RICTOR: variants seen among roughly 807,000 people sequenced by gnomAD.
RICTOR encodes rapamycin-insensitive companion of mTOR.
Under a neutral mutation model 214.9 loss-of-function variants are expected in RICTOR, and 49 were observed. The ratio of observed to expected loss-of-function variants is 0.23; its 90% CI spans 0.18 to 0.29. The LOEUF (loss-of-function observed/expected upper bound fraction) is 0.29. RICTOR is among the 10% of genes least tolerant of loss of function. RICTOR has a pLI of 1.00. For synonymous variants in RICTOR, 717 were observed against 711.3 expected, an observed-to-expected ratio of 1.01 and a Z score of -0.13; for missense variants, 1,625 against 2,047.0, an observed-to-expected ratio of 0.79 and a Z score of 3.98.
chr5:39,040,928 C>T (rs1580171188), intron 2 of RICTOR, among the ~76,000 whole-genome samples: 1 of 151,994 alleles, frequency 6.6e-6, no homozygotes. Flanking sequence ...AAATGTCTAA[C>T]AGTAATATAA....
intron 2 of RICTOR, among the ~76,000 whole-genome samples, chr5:39,033,815 A>G (rs933344565): frequency 4.6e-5 from 7 of 152,168 alleles, no homozygotes; most frequent in African/African-American, 9.7e-5. Flanking sequence ...AAACCTGCAC[A>G]TGTACCACCG....
At position 38,990,197 on chromosome 5, in the gene RICTOR, A is replaced by G. The variant is rs141381501; in HGVS notation, c.583+752T>C. On this transcript the variant is annotated intron_variant, in intron 7 of 37. Transcript: ENST00000357387. ...ATGAGTTCATGTCCTTTGCAGGGAC[A>G]TGGATGAAGCTGGAACCTATCATTC... Among the ~76,000 whole-genome samples the G allele has an allele frequency of 4.8e-3, 732 of 152,280 alleles. 11 individuals carry two copies. Among genetic ancestry groups the G allele is most frequent in the African/African-American group, 0.017 (704 of 41,544 alleles).
At chr5:38,972,127 A>G (rs1750839306) in intron 10 of RICTOR, among the ~76,000 whole-genome samples, 168 bp from the exon 11 acceptor site, 1 of 152,190 alleles carries the variant, frequency 6.6e-6, no homozygotes, top group Non-Finnish European at 1.5e-5. Context: ...TTTGAAGCAT[A>G]CTCTGTATTT....
chr5:38,946,200 T>C (rs1017100018), intron 33 of RICTOR, among the ~76,000 whole-genome samples: 6 of 152,194 alleles, frequency 3.9e-5, no homozygotes, highest in African/African-American at 1.4e-4. Flanking sequence ...ATTGTTCATG[T>C]GCTACTTTTA....
At chr5:38,996,941 C>A (rs1467539819) in intron 5 of RICTOR, 59 bp from the exon 6 acceptor site, 2 of 1,135,972 alleles carry the variant, frequency 1.8e-6, no homozygotes, top group Non-Finnish European at 2.7e-6. Context: ...CTTTTTGTAT[C>A]ACAATACTGA....
chr5:39,002,195 A>C (rs559986967), intron 5 of RICTOR, among the ~76,000 whole-genome samples: 1 of 149,628 alleles, frequency 6.7e-6, no homozygotes, highest in Non-Finnish European at 1.5e-5. Flanking sequence ...AAAAATCAAC[A>C]TGTATGAATC....
intron 2 of RICTOR, among the ~76,000 whole-genome samples, chr5:39,066,789 C>A (rs988569709): frequency 2.8e-4 from 42 of 152,216 alleles, no homozygotes; most frequent in African/African-American, 9.9e-4. Context: ...ACAGAATGAA[C>A]AGAATGCAAC....
In RICTOR at chr5:38,953,047, T is replaced by C. The variant is rs368802866; in HGVS notation, c.2835A>G (p.Glu945=). 13 of 1,609,946 alleles carry C rather than the reference T, an allele frequency of 8.1e-6. No individual in the cohort carries two copies. The African/African-American group carries it at 1.3e-4, about 17-fold the overall frequency. Residue 945 remains glutamate, a synonymous_variant, in exon 29 of 38, where the codon GAA becomes GAG. Transcript: ENST00000357387. ...TTAGTATATCTGGAATCACGTTTTC[T>C]TCCTGTAGCAAATTGAGACCCCAAT... ...SSNWGLNLLQ[E]ENVIPDILKL...
chr5:39,038,953 T>C lies in RICTOR; in HGVS notation c.98-17817A>G, dbSNP rs1008514178. Among the ~76,000 whole-genome samples the C allele has an allele frequency of 3.3e-5, 5 of 152,186 alleles. No individual in the cohort carries two copies. In the East Asian group the frequency reaches 5.8e-4, roughly 18 times the overall value. ...GCTACCAATGACTTTCTTCACAGAA[T>C]TGGAAAAAACTACTTTAAAGTTCAT... On this transcript the variant is annotated intron_variant, in intron 2 of 37. Coordinates refer to ENST00000357387, the MANE Select transcript of RICTOR (RefSeq NM_152756.5).
At chr5:38,949,528 C>CA in intron 31 of RICTOR, 184 bp downstream of exon 31, 1 of 1,142,602 alleles carries the variant, frequency 8.8e-7, no homozygotes, top group Non-Finnish European at 1.2e-6. Flanking sequence ...TTCTTCCCCC[C>CA]TCGCAGCTGC....
At chr5:39,014,652 G>A (rs1216036319) in intron 3 of RICTOR, among the ~76,000 whole-genome samples, 2 of 152,080 alleles carry the variant, frequency 1.3e-5, no homozygotes, top group African/African-American at 2.4e-5. Flanking sequence ...TTTAGATTAT[G>A]AGCATGTTGT....
intron 2 of RICTOR, among the ~76,000 whole-genome samples, chr5:39,045,602 G>C (rs780190275): frequency 3.3e-5 from 5 of 152,156 alleles, no homozygotes; most frequent in African/African-American, 4.8e-5. Flanking sequence ...CCCTGTGAAA[G>C]AATGGAACAG....
intron 6 of RICTOR, among the ~76,000 whole-genome samples, chr5:38,994,082 G>A (rs1580040508): frequency 6.6e-6 from 1 of 151,754 alleles, no homozygotes. Flanking sequence ...CCCAGCTACT[G>A]GGGAGGCTGA....
At chr5:38,949,370 T>C in intron 31 of RICTOR, 1 of 1,585,088 alleles carries the variant, frequency 6.3e-7, no homozygotes, top group Non-Finnish European at 8.5e-7. Flanking sequence ...AAAGGTTGTT[T>C]GTTATTGTAG....
intron 2 of RICTOR, among the ~76,000 whole-genome samples, chr5:39,025,977 G>C (rs2150142976): frequency 6.6e-6 from 1 of 152,212 alleles, no homozygotes; most frequent in South Asian, 2.1e-4. Flanking sequence ...TTTTTATATG[G>C]GGGATAGGGT....
At chr5:38,959,373 CATTA>C (rs1749590881) in intron 21 of RICTOR, 52 bp from the exon 22 acceptor site, 13 of 1,003,608 alleles carry the variant, frequency 1.3e-5, no homozygotes, top group Middle Eastern at 3.2e-4. Flanking sequence ...TATATTGATA[CATTA>C]ATTAAACAAA....
At chr5:38,969,918 G>A (rs1026244324) in intron 11 of RICTOR, 6 of 151,922 alleles carry the variant, frequency 3.9e-5, no homozygotes, top group Admixed American at 1.3e-4. Context: ...CGCCCGCCTC[G>A]GCCTCCCAAA....
intron 3 of RICTOR, among the ~76,000 whole-genome samples, chr5:39,018,873 C>T (rs1755169515): frequency 6.6e-6 from 1 of 152,062 alleles, no homozygotes; most frequent in African/African-American, 2.4e-5. Context: ...CCAGAGAGGC[C>T]TCTTGAGACA....
rs536519036 is a variant in RICTOR, at chr5:39,074,378, A to G, written c.-1T>C. On this transcript the variant is annotated 5_prime_UTR_variant, in exon 1 of 38. Transcript: ENST00000357387. ...AGCGGCCGCGGCCGATCGCCGCCAT[A>G]TTGACGGGTTTCAGTCACAACACCG... 5.8e-6 allele frequency: 9 copies of G among 1,539,098 alleles called. No individual in the cohort carries two copies. The highest frequency in any genetic ancestry group is 3.6e-5 in the South Asian group (3 of 82,554).
Sources: allele counts gnomAD v4.1 joint callset (sites outside exome capture counted in the v4.1 genomes callset), GRCh38; gene constraint gnomAD v4.1.1; transcripts MANE v1.5; gene names NCBI Gene and HGNC (gene_info 2026-07-23, HGNC 2026-07-21).